ADAMDEC1: variants seen among roughly 807,000 people sequenced by gnomAD.
The protein encoded by ADAMDEC1 is ADAM DEC1.
A neutral mutation model predicts 60.4 loss-of-function variants in ADAMDEC1; 62 were observed. That is an observed-to-expected ratio of 1.03 (90% confidence interval 0.84 to 1.27). The LOEUF (loss-of-function observed/expected upper bound fraction) is 1.27, where lower values mean the gene tolerates loss of function less well. Ranked by LOEUF, ADAMDEC1 falls within the 50% of genes most tolerant of loss-of-function variation. The probability of loss-of-function intolerance (pLI) is 0.00; values close to 1 mark genes in which losing one functional copy is unlikely to be tolerated. For missense variants in ADAMDEC1, 595 were observed against 565.0 expected (o/e 1.05, Z -0.54); for synonymous variants, 210 against 195.1 (o/e 1.08, Z -0.64).
intron 1 of ADAMDEC1, among the ~76,000 whole-genome samples, chr8:24,384,894 A>G (rs941091735): frequency 9.9e-5 from 15 of 151,946 alleles, no homozygotes; most frequent in African/African-American, 2.4e-4. Flanking sequence ...AAAATAGAGG[A>G]AAAAAAAGCT....
At chr8:24,386,545 T>C (rs1817297935) in intron 1 of ADAMDEC1, among the ~76,000 whole-genome samples, 1 of 152,124 alleles carries the variant, frequency 6.6e-6, no homozygotes, top group Admixed American at 6.5e-5. Flanking sequence ...TCCTTGTCCC[T>C]ATATGATCAG....
intron 1 of ADAMDEC1, chr8:24,387,505 C>T (rs886367981): frequency 1.3e-5 from 2 of 152,078 alleles, no homozygotes; most frequent in Non-Finnish European, 1.5e-5. Flanking sequence ...AAGATTTCTC[C>T]CCACTTGTTC....
At chr8:24,398,012 T>C (rs1817660810) in intron 7 of ADAMDEC1, among the ~76,000 whole-genome samples, 1 of 151,526 alleles carries the variant, frequency 6.6e-6, no homozygotes, top group African/African-American at 2.4e-5. Context: ...AAGGAACGCA[T>C]TATTAAAATA....
Position 24,389,452 on chromosome 8 carries a change from C to T in ADAMDEC1, c.89-2810C>T, listed in dbSNP as rs569426643. 6.6e-5 allele frequency among the ~76,000 whole-genome samples: 10 copies of T among 152,244 alleles called. No individual in the cohort carries two copies. In the South Asian group the frequency reaches 2.1e-3, roughly 32 times the overall value. On this transcript the variant is annotated intron_variant, in intron 1 of 13. Transcript: ENST00000256412. Reference sequence around the variant, plus strand: ...CTGATACCACTTTCATCTAAGTCACCACCACCTCTGTCTTACATTACTGCA... The same window carrying T: ...CTGATACCACTTTCATCTAAGTCACTACCACCTCTGTCTTACATTACTGCA...
chr8:24,384,292 A>T lies in ADAMDEC1; in HGVS notation c.-213A>T. ...CAGGGGCAAACAGTGTCCAGATGTG[A>T]GTCCTCAATGAGCTATAACCACAGC... is the stretch of plus-strand genomic sequence containing the variant. On this transcript the variant is annotated 5_prime_UTR_variant, in exon 1 of 14. It removes the in-frame stop codon of an upstream open reading frame in the 5' UTR. Transcript: ENST00000256412. The T allele has an allele frequency of 1.9e-6, 1 of 527,724 alleles. No individual in the cohort carries two copies. 32.7% of individuals were successfully genotyped at this position (527,724 alleles called of 1,614,324 possible).
At chr8:24,390,136 C>A in intron 1 of ADAMDEC1, 1 of 682,434 alleles carries the variant, frequency 1.5e-6, no homozygotes, top group Non-Finnish European at 2.3e-6. Flanking sequence ...CAGCCTCAAA[C>A]TGTGCGTGGC....
intron 11 of ADAMDEC1, 65 bp downstream of exon 11, chr8:24,400,365 A>G (rs1410189005): frequency 6.7e-7 from 1 of 1,486,616 alleles, no homozygotes; most frequent in African/African-American, 1.4e-5. Flanking sequence ...CTGAAGACAC[A>G]TATTATTCTC....
intron 8 of ADAMDEC1, 59 bp from the exon 9 acceptor site, chr8:24,398,815 G>C (rs1455567810): frequency 6.5e-7 from 1 of 1,539,418 alleles, no homozygotes; most frequent in Non-Finnish European, 8.9e-7. Context: ...GTCAACAAAA[G>C]CTCTCAGACA....
Position 24,397,339 on chromosome 8 carries a change from T to C in ADAMDEC1, c.510T>C (p.His170=). Residue 170 remains histidine, a synonymous_variant, in exon 6 of 14, where the codon CAT becomes CAC. Transcript: ENST00000256412. ...KPLKSTDEKE[H]AVFTSNQEEQ... is the part of the protein sequence containing the mutation. ...TGAAAAGCACAGACGAGAAAGAACA[T>C]GCCGTCTTTACATCTAACCAGGAGG... 6.2e-7 allele frequency: 1 copy of C among 1,614,038 alleles called. No homozygotes were observed.
chr8:24,400,086 C>G (rs1296217022), intron 10 of ADAMDEC1, 84 bp from the exon 11 acceptor site: 36 of 1,154,502 alleles, frequency 3.1e-5, no homozygotes, highest in Non-Finnish European at 3.9e-5. Context: ...CACTAGTTTT[C>G]ATCTCTTAAG....
chr8:24,394,072 C>T lies in ADAMDEC1; in HGVS notation c.288C>T (p.His96=), dbSNP rs1295706367. The change falls in exon 4 of 14, where the codon CAC becomes CAT. Residue 96 remains histidine, a synonymous_variant. Transcript: ENST00000256412. The part of the protein sequence containing the change: ...EIILSLQKTK[H]LLGPDYTETL... ...TGCAGCTCTCTGCTCTCTACAGGCA[C>T]CTCCTGGGGCCAGACTACACTGAAA... 1.2e-6 allele frequency: 2 copies of T among 1,612,016 alleles called. No individual in the cohort carries two copies. The highest frequency in any genetic ancestry group is 1.7e-5 in the Admixed American group (1 of 59,984).
At chr8:24,395,167 A>G (rs1392333647) in intron 4 of ADAMDEC1, among the ~76,000 whole-genome samples, 2 of 152,262 alleles carry the variant, frequency 1.3e-5, no homozygotes, top group East Asian at 1.9e-4. Flanking sequence ...TAACAGACCA[A>G]TTAAAACAGT....
chr8:24,399,579 A>T, intron 10 of ADAMDEC1, 105 bp downstream of exon 10: 1 of 990,966 alleles, frequency 1.0e-6, no homozygotes, highest in Non-Finnish European at 1.6e-6. Flanking sequence ...TGAATCAATG[A>T]ATCAAGGAAG....
chr8:24,393,602 A>C (rs1158636072), intron 3 of ADAMDEC1, among the ~76,000 whole-genome samples: 2 of 152,156 alleles, frequency 1.3e-5, no homozygotes, highest in Non-Finnish European at 2.9e-5. Flanking sequence ...TAAACTCAAG[A>C]CTTTGATGCA....
intron 1 of ADAMDEC1, chr8:24,387,397 T>C (rs978181956): frequency 2.0e-5 from 3 of 152,206 alleles, no homozygotes; most frequent in Admixed American, 6.5e-5. Flanking sequence ...CCCTTCCCTT[T>C]TTAGGCTCTT....
intron 1 of ADAMDEC1, among the ~76,000 whole-genome samples, chr8:24,389,790 C>T (rs1817390432): frequency 6.6e-6 from 1 of 152,164 alleles, no homozygotes; most frequent in African/African-American, 2.4e-5. Context: ...TTATTACTAG[C>T]TGTTTCCTCT....
At chr8:24,386,072 G>C (rs2129356173) in intron 1 of ADAMDEC1, among the ~76,000 whole-genome samples, 1 of 152,148 alleles carries the variant, frequency 6.6e-6, no homozygotes, top group South Asian at 2.1e-4. Context: ...TGCTGAAAAA[G>C]TCACTGAAAT....
rs771177365 is a variant in ADAMDEC1 at position 24,394,105 on chromosome 8, C to T, written c.321C>T (p.Tyr107=). The stretch of plus-strand genomic sequence containing the variant: ...GGCCAGACTACACTGAAACATTGTA[C>T]TCACCCAGAGGAGAGGAAATTACCA... The part of the protein sequence containing the change: ...LLGPDYTETL[Y]SPRGEEITTK... Residue 107 remains tyrosine, a synonymous_variant, in exon 4 of 14, where the codon TAC becomes TAT. Coordinates refer to ENST00000256412, the MANE Select transcript of ADAMDEC1 (RefSeq NM_014479.3). 8 of 1,613,422 alleles carry T rather than the reference C, an allele frequency of 5.0e-6. No individual in the cohort carries two copies. Among genetic ancestry groups the T allele is most frequent in the African/African-American group, 1.3e-5 (1 of 74,922 alleles).
chr8:24,384,678 GT>G, intron 1 of ADAMDEC1, 86 bp downstream of exon 1: 1 of 1,256,874 alleles, frequency 8.0e-7, no homozygotes, highest in Non-Finnish European at 1.1e-6. Flanking sequence ...AATGGCATAT[GT>G]TTTTATGGTC....
Sources: allele counts gnomAD v4.1 joint callset (sites outside exome capture counted in the v4.1 genomes callset), GRCh38; gene constraint gnomAD v4.1.1; transcripts MANE v1.5; gene names NCBI Gene and HGNC (gene_info 2026-07-23, HGNC 2026-07-21).